The following EXOSC8 variants were observed in gnomAD, a reference collection of about 807,000 sequenced individuals.
EXOSC8 encodes exosome component 8, also known as exosome complex component RRP43.
In EXOSC8, 37 loss-of-function variants were observed where a neutral mutation model predicts 39.9. The ratio of observed to expected loss-of-function variants is 0.93; its 90% CI spans 0.71 to 1.22. The LOEUF is 1.22. Ranked by LOEUF, EXOSC8 falls within the 50% of genes most tolerant of loss-of-function variation. EXOSC8 has a pLI of 0.00. For synonymous variants in EXOSC8, 93 were observed against 109.5 expected, an observed-to-expected ratio of 0.85 and a Z score of 0.94; for missense variants, 313 against 326.6, an observed-to-expected ratio of 0.96 and a Z score of 0.32.
chr13:37,006,252 A>G (rs763001878), intron 7 of EXOSC8, 92 bp downstream of exon 7: 409 of 801,482 alleles, frequency 5.1e-4, no homozygotes, highest in Non-Finnish European at 7.1e-4. Context: ...AAAACCACCA[A>G]TCAAAGTAGC....
rs143534080 is a variant in EXOSC8, at chr13:37,001,106, G to C, written c.17+284G>C. On this transcript the variant is annotated intron_variant, in intron 1 of 10. Transcript: ENST00000389704. ...TGAACGTGCAGTCCCAGGAGACATA[G>C]TTGTAATCTTTTAAAGATTGTGGCC... 1.7e-3 allele frequency among the ~76,000 whole-genome samples: 253 copies of C among 152,308 alleles called. 2 individuals carry two copies. Among genetic ancestry groups the C allele is most frequent in the African/African-American group, 5.9e-3 (244 of 41,576 alleles).
Position 37,009,528 on chromosome 13 carries a change from T to C in EXOSC8, c.*229T>C. 9.5e-7 allele frequency: 1 copy of C among 1,054,410 alleles called. No homozygotes were observed. The highest frequency in any genetic ancestry group is 1.4e-6 in the Non-Finnish European group (1 of 706,176). The allele number at this position is 1,054,410 out of a possible 1,614,324, so 65.3% of individuals were successfully genotyped here. On this transcript the variant is annotated 3_prime_UTR_variant, in exon 11 of 11. Transcript: ENST00000389704. Reference sequence around the variant, plus strand: ...CCATTTCCCTGTTTTTATTTAAAAATGATAAGGTTGTGCTTCTGTATAAAG... The same window carrying C: ...CCATTTCCCTGTTTTTATTTAAAAACGATAAGGTTGTGCTTCTGTATAAAG...
rs778086919 is a variant in EXOSC8, at chr13:37,000,796, G to C, written c.-10G>C. 16 of 1,580,864 alleles carry C rather than the reference G, an allele frequency of 1.0e-5. No homozygotes were observed. The highest frequency in any genetic ancestry group is 1.7e-4 in the Middle Eastern group (1 of 5,922). On this transcript the variant is annotated 5_prime_UTR_variant, in exon 1 of 11. Coordinates refer to ENST00000389704, the MANE Select transcript of EXOSC8 (RefSeq NM_181503.3). ...AGGAGCGGCGCAGGCGCAGACGCGC[G>C]GGCGGGAAGATGGCGGCTGGGTTCA...
chr13:37,006,406 T>A (rs768724370), intron 7 of EXOSC8, among the ~76,000 whole-genome samples: 3 of 152,140 alleles, frequency 2.0e-5, no homozygotes, highest in Non-Finnish European at 4.4e-5. Context: ...TGAAGTAATT[T>A]TTTTCCCCCT....
At chr13:37,006,572 G>A (rs2059140606) in intron 7 of EXOSC8, among the ~76,000 whole-genome samples, 1 of 152,030 alleles carries the variant, frequency 6.6e-6, no homozygotes, top group Admixed American at 6.6e-5. Context: ...TTTCCTACTA[G>A]ATCATATAAA....
chr13:37,004,366 T>A, intron 4 of EXOSC8, 150 bp from the exon 5 acceptor site: 1 of 608,750 alleles, frequency 1.6e-6, no homozygotes, highest in South Asian at 2.1e-5. Flanking sequence ...CTTGTAGAGC[T>A]ATTGTGAGGA....
intron 5 of EXOSC8, among the ~76,000 whole-genome samples, chr13:37,005,018 C>T (rs974192048): frequency 2.6e-5 from 4 of 151,966 alleles, no homozygotes; most frequent in Non-Finnish European, 5.9e-5. Flanking sequence ...GAGGCTGAAG[C>T]AGGAGGATTG....
rs1194527828 is a variant in EXOSC8, at chr13:37,007,004, T to A, written c.420T>A (p.Ile140=). 2 of 1,612,878 alleles carry A rather than the reference T, an allele frequency of 1.2e-6. No individual in the cohort carries two copies. The highest frequency in any genetic ancestry group is 1.7e-6 in the Non-Finnish European group (2 of 1,178,918). The change falls in exon 8 of 11, where the codon ATT becomes ATA. Residue 140 remains isoleucine, a synonymous_variant. Coordinates refer to ENST00000389704, the MANE Select transcript of EXOSC8 (RefSeq NM_181503.3). ...KLVWVLYCDL[I]CLDYDGNILD... is the part of the protein sequence containing the mutation. ...TCTGGGTTCTATACTGTGATCTCAT[T>A]TGCCTCGACTACGATGGAAACATTT...
In EXOSC8 at chr13:37,004,548, T is replaced by A; in HGVS notation, c.225T>A (p.Asp75Glu). The A allele has an allele frequency of 6.2e-7, 1 of 1,605,036 alleles. No homozygotes were observed. The highest frequency in any genetic ancestry group is 1.7e-4 in the Middle Eastern group (1 of 6,038). ...CAGCACCATCAACAGATGCCCCTGA[T>A]AAAGGATACGTTGGTAAGTTAAATG... ...EFAAPSTDAP[D>E]KGYVVPNVDL... The change falls in exon 5 of 11, where the codon GAT becomes GAA. Residue 75 changes from aspartate (D) to glutamate (E), a missense_variant. By Grantham distance (45) the Asp-to-Glu change is conservative (BLOSUM62 2). Coordinates refer to ENST00000389704, the MANE Select transcript of EXOSC8 (RefSeq NM_181503.3).
rs966606939 is a variant in EXOSC8, at chr13:37,008,858, C to G, written c.715+23C>G. 4 of 1,447,048 alleles carry G rather than the reference C, an allele frequency of 2.8e-6. No individual in the cohort carries two copies. The South Asian group carries it at 4.6e-5, about 17-fold the overall frequency. 89.6% of individuals were successfully genotyped at this position (1,447,048 alleles called of 1,614,324 possible). ...CAGGCATGTTCCCGCCACTTCAGTC[C>G]TAAACATATGTAGATGAAAACTCAG... is the stretch of plus-strand genomic sequence containing the variant. On this transcript the variant is annotated intron_variant, in intron 10 of 10. Coordinates refer to ENST00000389704, the MANE Select transcript of EXOSC8 (RefSeq NM_181503.3).
chr13:37,002,999 G>A lies in EXOSC8; in HGVS notation c.184G>A (p.Val62Ile), dbSNP rs370644485. 3 of 1,589,022 alleles carry A rather than the reference G, an allele frequency of 1.9e-6. No individual in the cohort carries two copies. Among genetic ancestry groups the A allele is most frequent in the African/African-American group, 1.3e-5 (1 of 74,532 alleles). The change falls in exon 4 of 11, where the codon GTT (valine) becomes ATT (isoleucine). Residue 62 changes from valine (V) to isoleucine (I), a missense_variant. By Grantham distance (29) the Val-to-Ile change is conservative. Coordinates refer to ENST00000389704, the MANE Select transcript of EXOSC8 (RefSeq NM_181503.3). ...KLGNTTVICGVKAEFAAPSTD... is the reference protein window; with the variant it reads ...KLGNTTVICGIKAEFAAPSTD... Reference sequence around the variant, plus strand: ...GGGAAATACTACAGTAATCTGTGGAGTTAAAGCAGTAAGTCTAAATATGTC... The same window carrying A: ...GGGAAATACTACAGTAATCTGTGGAATTAAAGCAGTAAGTCTAAATATGTC...
chr13:37,008,320 A>G (rs1377404460), intron 9 of EXOSC8, 143 bp downstream of exon 9: 4 of 701,190 alleles, frequency 5.7e-6, no homozygotes, highest in Non-Finnish European at 7.5e-6. Context: ...TTGTCCCTGC[A>G]CAATTATTTC....
At chr13:37,002,216 G>T in intron 1 of EXOSC8, 57 bp from the exon 2 acceptor site, 1 of 1,334,030 alleles carries the variant, frequency 7.5e-7, no homozygotes, top group Non-Finnish European at 1.1e-6. Context: ...GCCAATTTCT[G>T]GATTTATGTT....
chr13:37,006,879 T>C, intron 7 of EXOSC8, 96 bp from the exon 8 acceptor site: 1 of 717,904 alleles, frequency 1.4e-6, no homozygotes. Flanking sequence ...ATCTTGCTTG[T>C]TTAACCAAGG....
In EXOSC8 at chr13:37,003,295, C is replaced by A. The variant is rs187080611; in HGVS notation, c.192+288C>A. ...ACATTAACAGATTTTTGGTGACATC[C>A]TTTTAGCCAGTGATGACATGTAATC... On this transcript the variant is annotated intron_variant, in intron 4 of 10. Coordinates refer to ENST00000389704, the MANE Select transcript of EXOSC8 (RefSeq NM_181503.3). The A allele has an allele frequency of 1.1e-5, 4 of 348,482 alleles. No homozygotes were observed. In the East Asian group the frequency reaches 2.5e-4, roughly 22 times the overall value. The allele number at this position is 348,482 out of a possible 1,614,324, so 21.6% of individuals were successfully genotyped here.
At chr13:37,007,957 G>C in intron 8 of EXOSC8, 100 bp from the exon 9 acceptor site, 1 of 855,818 alleles carries the variant, frequency 1.2e-6, no homozygotes, top group East Asian at 2.5e-5. Flanking sequence ...AAATGTTCTG[G>C]GCAAGTTAAA....
At chr13:37,009,084 C>G in intron 10 of EXOSC8, 100 bp from the exon 11 acceptor site, 1 of 798,294 alleles carries the variant, frequency 1.3e-6, no homozygotes, top group Admixed American at 2.6e-5. Flanking sequence ...CCCTGATTTA[C>G]ATTATCCAAT....
chr13:37,006,039 G>C lies in EXOSC8; in HGVS notation c.344+14G>C, dbSNP rs747541495. On this transcript the variant is annotated intron_variant, in intron 6 of 10. Transcript: ENST00000389704. ...TGTCATTGAAAAGTAAGAGCACCAT[G>C]ATAAAATTTTATTACAATTCATTTT... is the stretch of plus-strand genomic sequence containing the variant. 1 of 1,589,060 alleles carries C rather than the reference G, an allele frequency of 6.3e-7. No homozygotes were observed. Among genetic ancestry groups the C allele is most frequent in the Non-Finnish European group, 8.6e-7 (1 of 1,158,758 alleles).
At chr13:37,005,323 T>C (rs1272544272) in intron 5 of EXOSC8, among the ~76,000 whole-genome samples, 3 of 152,124 alleles carry the variant, frequency 2.0e-5, no homozygotes, top group African/African-American at 7.2e-5. Context: ...CAGTTACAGA[T>C]TGAGGTATTT....
Sources: gnomAD v4.1 joint callset for allele counts (sites outside exome capture counted in the v4.1 genomes callset) on GRCh38, gnomAD v4.1.1 for gene constraint, MANE v1.5 for transcripts, NCBI Gene and HGNC (gene_info 2026-07-23, HGNC 2026-07-21) for gene names.